The following PCDHGB4 variants were observed in gnomAD, a reference collection of about 807,000 sequenced individuals.
The protein encoded by PCDHGB4 is protocadherin gamma-B4.
A neutral mutation model predicts 60.5 loss-of-function variants in PCDHGB4; 38 were observed. The ratio of observed to expected loss-of-function variants is 0.63; its 90% CI spans 0.48 to 0.82. The LOEUF is 0.82. PCDHGB4 is among the 40% of genes least tolerant of loss of function. The pLI is 0.00. For synonymous variants in PCDHGB4, 456 were observed against 509.7 expected, an observed-to-expected ratio of 0.89 and a Z score of 1.42; for missense variants, 1,109 against 1,209.6, an observed-to-expected ratio of 0.92 and a Z score of 1.23.
rs71576115 is a variant in PCDHGB4, at chr5:141,463,438, CTTTT to C, written c.2398-31344_2398-31341del. Among the ~76,000 whole-genome samples, 12 of 103,242 alleles carry C rather than the reference CTTTT, an allele frequency of 1.2e-4. No homozygotes were observed. In the South Asian group the frequency reaches 1.6e-3, roughly 14 times the overall value. 67.7% of individuals were successfully genotyped at this position (103,242 alleles called of 152,430 possible). ...GTTTGCGGATCCTCATTTCCTTCTCCTTTTTTTTTTTTTTTTTTTTTTTTTTTTG... is the reference window on the plus strand; with the variant it reads ...GTTTGCGGATCCTCATTTCCTTCTCCTTTTTTTTTTTTTTTTTTTTTTTTG... On this transcript the variant is annotated intron_variant, in intron 1 of 3. Coordinates refer to ENST00000519479, the MANE Select transcript of PCDHGB4 (RefSeq NM_003736.4).
At chr5:141,410,560 A>C (rs769354927) in intron 1 of PCDHGB4, 42 of 1,612,824 alleles carry the variant, frequency 2.6e-5, no homozygotes, top group Non-Finnish European at 3.5e-5. Context: ...TTTCTCCTGG[A>C]GCCTTAATTC....
chr5:141,505,911 A>C (rs2099849083), intron 3 of PCDHGB4, among the ~76,000 whole-genome samples: 1 of 152,154 alleles, frequency 6.6e-6, no homozygotes, highest in South Asian at 2.1e-4. Flanking sequence ...CAAAGCATAG[A>C]GTTCTGGGCC....
chr5:141,504,010 C>G (rs980812107), intron 2 of PCDHGB4, among the ~76,000 whole-genome samples: 9 of 152,204 alleles, frequency 5.9e-5, no homozygotes, highest in African/African-American at 1.2e-4. Context: ...TTAACTGTCT[C>G]TGCTGGTCTC....
chr5:141,486,617 C>A lies in PCDHGB4; in HGVS notation c.2398-8190C>A. On this transcript the variant is annotated intron_variant, in intron 1 of 3. Coordinates refer to ENST00000519479, the MANE Select transcript of PCDHGB4 (RefSeq NM_003736.4). The surrounding 1 kb of genome is among the most constrained non-coding windows in gnomAD (Gnocchi z 5.0). The stretch of plus-strand genomic sequence containing the variant: ...GCTTTGCTCCCTTGCAGCCTCTGAC[C>A]CAGACTCTGGCTTGAATGCGCTTAT... The A allele has an allele frequency of 1.2e-6, 2 of 1,613,602 alleles. No homozygotes were observed. The highest frequency in any genetic ancestry group is 2.2e-5 in the East Asian group (1 of 44,874).
chr5:141,476,061 C>T lies in PCDHGB4; in HGVS notation c.2398-18746C>T. On this transcript the variant is annotated intron_variant, in intron 1 of 3. Coordinates refer to ENST00000519479, the MANE Select transcript of PCDHGB4 (RefSeq NM_003736.4). The surrounding 1 kb of genome is among the most constrained non-coding windows in gnomAD (Gnocchi z 7.6). Reference sequence around the variant, plus strand: ...AAGCGCTAACCCGCTGAAAGTTTCTCAGCGAAATCTCAGGGACGATCTGGA... The same window carrying T: ...AAGCGCTAACCCGCTGAAAGTTTCTTAGCGAAATCTCAGGGACGATCTGGA... The T allele has an allele frequency of 6.6e-7, 1 of 1,508,880 alleles. No homozygotes were observed. Among genetic ancestry groups the T allele is most frequent in the Non-Finnish European group, 8.8e-7 (1 of 1,136,354 alleles). 93.5% of individuals were successfully genotyped at this position (1,508,880 alleles called of 1,614,324 possible).
chr5:141,491,118 T>C lies in PCDHGB4; in HGVS notation c.2398-3689T>C, dbSNP rs1421005816. Reference sequence around the variant, plus strand: ...TGTTCCTCGTGTCTACACACACTGGTGAGGTGCGCACAGCCCGGGCCTTAC... The same window carrying C: ...TGTTCCTCGTGTCTACACACACTGGCGAGGTGCGCACAGCCCGGGCCTTAC... On this transcript the variant is annotated intron_variant, in intron 1 of 3. Coordinates refer to ENST00000519479, the MANE Select transcript of PCDHGB4 (RefSeq NM_003736.4). This position sits in a 1 kb window ranked among gnomAD's most constrained non-coding sequence, Gnocchi z 6.9. The C allele has an allele frequency of 1.2e-6, 2 of 1,613,926 alleles. No homozygotes were observed. Among genetic ancestry groups the C allele is most frequent in the African/African-American group, 2.7e-5 (2 of 74,890 alleles).
intron 1 of PCDHGB4, among the ~76,000 whole-genome samples, chr5:141,460,951 G>GTATA (rs200454978): frequency 7.9e-5 from 11 of 139,774 alleles, no homozygotes; most frequent in Middle Eastern, 3.7e-3. Context: ...TATGTATTAT[G>GTATA]TATATATATA....
chr5:141,413,994 G>A, intron 1 of PCDHGB4: 1 of 1,613,422 alleles, frequency 6.2e-7, no homozygotes, highest in Non-Finnish European at 8.5e-7. Context: ...CCACCGACAG[G>A]GACGAAGGTG....
chr5:141,465,778 A>G (rs544366126), intron 1 of PCDHGB4, among the ~76,000 whole-genome samples: 1 of 148,538 alleles, frequency 6.7e-6, no homozygotes, highest in East Asian at 1.9e-4. Context: ...CTCTTGTTAC[A>G]GTTTTTTTTT....
At position 141,430,761 on chromosome 5, in the gene PCDHGB4, T is replaced by C. The variant is rs769012885; in HGVS notation, c.2397+40480T>C. The C allele has an allele frequency of 2.0e-6, 3 of 1,506,132 alleles. No individual in the cohort carries two copies. The African/African-American group carries it at 4.2e-5, about 21-fold the overall frequency. The allele number at this position is 1,506,132 out of a possible 1,614,324, so 93.3% of individuals were successfully genotyped here. ...AAATAATTCTGGAGGAAGATAAGAATGATTCCTGCGCGACTGCACCGGGAC... is the reference window on the plus strand; with the variant it reads ...AAATAATTCTGGAGGAAGATAAGAACGATTCCTGCGCGACTGCACCGGGAC... On this transcript the variant is annotated intron_variant, in intron 1 of 3. Coordinates refer to ENST00000519479, the MANE Select transcript of PCDHGB4 (RefSeq NM_003736.4).
At chr5:141,506,462 AAAAG>A (rs1396142744) in intron 3 of PCDHGB4, among the ~76,000 whole-genome samples, 1 of 151,856 alleles carries the variant, frequency 6.6e-6, no homozygotes, top group African/African-American at 2.4e-5. Flanking sequence ...AAAAAAAAAA[AAAAG>A]AGCACAGGCT....
intron 1 of PCDHGB4, chr5:141,398,208 G>C (rs898628305): frequency 1.3e-6 from 2 of 1,486,802 alleles, no homozygotes; most frequent in Non-Finnish European, 9.0e-7. Context: ...TGTTCTGCCC[G>C]GCGCTCTGTG....
chr5:141,403,415 C>A, intron 1 of PCDHGB4: 1 of 1,614,046 alleles, frequency 6.2e-7, no homozygotes, highest in East Asian at 2.2e-5. Context: ...TTATCCACTT[C>A]CAGAAGCTAT....
intron 3 of PCDHGB4, among the ~76,000 whole-genome samples, chr5:141,507,673 G>A (rs184362608): frequency 6.6e-5 from 10 of 152,368 alleles, no homozygotes; most frequent in Admixed American, 2.6e-4. Context: ...AAATCCAGAT[G>A]TTAAAAACAG....
At chr5:141,436,467 A>G (rs2097825090) in intron 1 of PCDHGB4, among the ~76,000 whole-genome samples, 1 of 152,216 alleles carries the variant, frequency 6.6e-6, no homozygotes, top group South Asian at 2.1e-4. Flanking sequence ...GAATTTTCAG[A>G]TGTATCATAG....
chr5:141,489,150 TAA>T lies in PCDHGB4; in HGVS notation c.2398-5656_2398-5655del. 1.2e-6 allele frequency: 1 copy of T among 862,654 alleles called. No homozygotes were observed. Among genetic ancestry groups the T allele is most frequent in the Non-Finnish European group, 1.7e-6 (1 of 575,074 alleles). The allele number at this position is 862,654 out of a possible 1,614,324, so 53.4% of individuals were successfully genotyped here. On this transcript the variant is annotated intron_variant, in intron 1 of 3. Coordinates refer to ENST00000519479, the MANE Select transcript of PCDHGB4 (RefSeq NM_003736.4). This position sits in a 1 kb window ranked among gnomAD's most constrained non-coding sequence, Gnocchi z 4.5. ...GTTTTTAAGAGGCTGGAAGGAGACA[TAA>T]GAGACTTCAGCTGCTGCATTCCAAG... is the stretch of plus-strand genomic sequence containing the variant.
intron 1 of PCDHGB4, chr5:141,428,181 AG>A (rs776102500): frequency 6.7e-7 from 1 of 1,486,230 alleles, no homozygotes; most frequent in Admixed American, 1.8e-5. Context: ...GACGGAGGAC[AG>A]CCGCCGCTCT....
chr5:141,400,068 G>A (rs2093954953), intron 1 of PCDHGB4: 1 of 1,613,706 alleles, frequency 6.2e-7, no homozygotes, highest in African/African-American at 1.3e-5. Flanking sequence ...ATGGTGGACA[G>A]CCGCCACTCT....
intron 1 of PCDHGB4, among the ~76,000 whole-genome samples, chr5:141,401,064 C>T (rs146303449): frequency 1.3e-5 from 2 of 152,226 alleles, no homozygotes; most frequent in East Asian, 3.9e-4. Flanking sequence ...TATATGTTGG[C>T]TGGGTGCAGT....
Sources: allele counts gnomAD v4.1 joint callset (sites outside exome capture counted in the v4.1 genomes callset), GRCh38; gene constraint gnomAD v4.1.1; non-coding constraint Gnocchi (gnomAD v3.1); transcripts MANE v1.5; gene names NCBI Gene and HGNC (gene_info 2026-07-23, HGNC 2026-07-21).